HADH: variants seen among roughly 807,000 people sequenced by gnomAD.
HADH encodes the protein hydroxyacyl-CoA dehydrogenase, also known as hydroxyacyl-coenzyme A dehydrogenase, mitochondrial.
Under a neutral mutation model 32.2 loss-of-function variants are expected in HADH, and 24 were observed. The ratio of observed to expected loss-of-function variants is 0.75; its 90% CI spans 0.54 to 1.05. HADH has a LOEUF of 1.05. Ranked by LOEUF, HADH falls within the 50% of genes least tolerant of loss-of-function variation. The pLI, the probability that HADH is intolerant of heterozygous loss-of-function variation, is 0.00. For synonymous variants in HADH, 139 were observed against 152.5 expected (o/e 0.91, Z 0.65); for missense variants, 350 against 397.1 (o/e 0.88, Z 1.01).
At position 107,991,736 on chromosome 4, in the gene HADH, T is replaced by C. The variant is rs192063877; in HGVS notation, c.132+1672T>C. ...TTTGAGTACGTTTGTATTCCCAGGC[T>C]CCACCCAAATCTCCCAAGGCTGTGA... On this transcript the variant is annotated intron_variant, in intron 1 of 7. Coordinates refer to ENST00000309522, the MANE Select transcript of HADH (RefSeq NM_005327.7). 1.6e-4 allele frequency among the ~76,000 whole-genome samples: 24 copies of C among 152,324 alleles called. No individual in the cohort carries two copies. The East Asian group carries it at 3.7e-3, about 23-fold the overall frequency.
chr4:108,025,705 A>G (rs1736043637), intron 5 of HADH: 1 of 152,154 alleles, frequency 6.6e-6, no homozygotes, highest in Admixed American at 6.5e-5. Context: ...CCTAGGCAAC[A>G]TGGCAAAAAC....
intron 4 of HADH, among the ~76,000 whole-genome samples, chr4:108,021,726 A>G (rs922885200): frequency 6.6e-6 from 1 of 152,178 alleles, no homozygotes; most frequent in Non-Finnish European, 1.5e-5. Flanking sequence ...TTTGTCCCCC[A>G]GCTCAGTCTG....
intron 6 of HADH, chr4:108,029,438 T>G (rs916685471): frequency 7.2e-5 from 11 of 152,424 alleles, no homozygotes; most frequent in African/African-American, 2.7e-4. Flanking sequence ...TTTTCCTGAC[T>G]GGTCCCCGCT....
intron 1 of HADH, among the ~76,000 whole-genome samples, chr4:108,007,794 A>T (rs1735339268): frequency 6.6e-6 from 1 of 152,210 alleles, no homozygotes; most frequent in African/African-American, 2.4e-5. Context: ...TGTACCAGGC[A>T]TCAGGTTATA....
chr4:108,016,096 G>A (rs1454507278), intron 3 of HADH, among the ~76,000 whole-genome samples: 5 of 152,256 alleles, frequency 3.3e-5, no homozygotes, highest in African/African-American at 9.6e-5. Context: ...TTCTTAGCTG[G>A]CTGGCTTCCT....
rs565179676 is a variant in HADH at position 108,005,855 on chromosome 4, G to A, written c.133-3904G>A. The stretch of plus-strand genomic sequence containing the variant: ...CTTTCACGGAATTTCTTCTCTAGGA[G>A]ATTCAAGATTTTCTCCCAGCATTGT... On this transcript the variant is annotated intron_variant, in intron 1 of 7. Transcript: ENST00000309522. Among the ~76,000 whole-genome samples, 6 of 152,266 alleles carry A rather than the reference G, an allele frequency of 3.9e-5. No individual in the cohort carries two copies. In the South Asian group the frequency reaches 1.0e-3, roughly 26 times the overall value.
At chr4:108,003,822 A>C (rs894564061) in intron 1 of HADH, among the ~76,000 whole-genome samples, 4 of 151,982 alleles carry the variant, frequency 2.6e-5, no homozygotes, top group Admixed American at 6.6e-5. Flanking sequence ...AAAAAAAAAA[A>C]AAAACAAAAA....
chr4:108,019,601 A>G lies in HADH; in HGVS notation c.481A>G (p.Thr161Ala). The G allele has an allele frequency of 3.1e-6, 5 of 1,614,112 alleles. No homozygotes were observed. Among genetic ancestry groups the G allele is most frequent in the Non-Finnish European group, 4.2e-6 (5 of 1,179,934 alleles). Residue 161 changes from threonine (T) to alanine (A), a missense_variant, in exon 4 of 8, where the codon ACC becomes GCC. Coordinates refer to ENST00000309522, the MANE Select transcript of HADH (RefSeq NM_005327.7). ...LQITSIANAT[T>A]RQDRFAGLHF... is the part of the protein sequence containing the mutation. ...GATTACAAGCATAGCTAATGCCACCACCAGACAAGACCGATTCGCTGGCCT... is the reference window on the plus strand; with the variant it reads ...GATTACAAGCATAGCTAATGCCACCGCCAGACAAGACCGATTCGCTGGCCT...
At chr4:107,994,667 A>G (rs1734903911) in intron 1 of HADH, among the ~76,000 whole-genome samples, 1 of 152,088 alleles carries the variant, frequency 6.6e-6, no homozygotes, top group Non-Finnish European at 1.5e-5. Flanking sequence ...TATGGAGGGA[A>G]TATTTGTACT....
intron 1 of HADH, among the ~76,000 whole-genome samples, chr4:107,999,541 A>G (rs1425782203): frequency 1.3e-5 from 2 of 152,190 alleles, no homozygotes; most frequent in African/African-American, 4.8e-5. Flanking sequence ...AAGTAACTTG[A>G]TGCTTACACA....
chr4:107,990,037 C>A lies in HADH; in HGVS notation c.105C>A (p.Gly35=), dbSNP rs1434742133. 1 of 1,610,830 alleles carries A rather than the reference C, an allele frequency of 6.2e-7. No individual in the cohort carries two copies. The highest frequency in any genetic ancestry group is 1.1e-5 in the South Asian group (1 of 90,510). ...IIVKHVTVIG[G]GLMGAGIAQV... ...TCAAGCACGTGACGGTCATCGGCGGCGGGCTGATGGGCGCCGGCATTGCCC... is the reference window on the plus strand; with the variant it reads ...TCAAGCACGTGACGGTCATCGGCGGAGGGCTGATGGGCGCCGGCATTGCCC... The change falls in exon 1 of 8, where the codon GGC becomes GGA. Residue 35 remains glycine (G), a synonymous_variant. Coordinates refer to ENST00000309522, the MANE Select transcript of HADH (RefSeq NM_005327.7).
chr4:107,991,750 C>G (rs1372876252), intron 1 of HADH, among the ~76,000 whole-genome samples: 2 of 152,158 alleles, frequency 1.3e-5, no homozygotes, highest in Non-Finnish European at 2.9e-5. Context: ...CCCAAATCTC[C>G]CAAGGCTGTG....
chr4:107,992,840 C>T (rs933496007), intron 1 of HADH, among the ~76,000 whole-genome samples: 2 of 152,172 alleles, frequency 1.3e-5, no homozygotes, highest in African/African-American at 2.4e-5. Context: ...TTCGGCCCGG[C>T]ATGGTGGCTC....
chr4:107,991,084 T>C (rs1025931351), intron 1 of HADH, among the ~76,000 whole-genome samples: 1 of 152,118 alleles, frequency 6.6e-6, no homozygotes, highest in Admixed American at 6.5e-5. Flanking sequence ...GGCTTTTCCA[T>C]TGTTCTGCTG....
intron 6 of HADH, chr4:108,028,903 C>T (rs1453815777): frequency 7.5e-6 from 3 of 398,472 alleles, no homozygotes; most frequent in Admixed American, 4.4e-5. Context: ...TCTGTGGTCC[C>T]TTTCTGCATA....
At chr4:108,011,099 G>T (rs895748498) in intron 2 of HADH, among the ~76,000 whole-genome samples, 1 of 151,888 alleles carries the variant, frequency 6.6e-6, no homozygotes, top group South Asian at 2.1e-4. Context: ...CACCCACCTC[G>T]GTCTCCCAAA....
chr4:108,023,687 C>T, intron 5 of HADH, 124 bp downstream of exon 5: 2 of 740,010 alleles, frequency 2.7e-6, no homozygotes, highest in South Asian at 2.9e-5. Flanking sequence ...CAAGCTTGTC[C>T]ACATGCTGTA....
chr4:108,010,782 A>G (rs1352958277), intron 2 of HADH, among the ~76,000 whole-genome samples: 1 of 151,960 alleles, frequency 6.6e-6, no homozygotes, highest in African/African-American at 2.4e-5. Flanking sequence ...TCCTGTGTCT[A>G]GCTTATTTCA....
chr4:108,004,969 T>A, intron 1 of HADH: 1 of 1,345,450 alleles, frequency 7.4e-7, no homozygotes. Context: ...CTAAAAGGAA[T>A]GTTAAACGAA....
Sources: allele counts gnomAD v4.1 joint callset (sites outside exome capture counted in the v4.1 genomes callset), GRCh38; gene constraint gnomAD v4.1.1; transcripts MANE v1.5; gene names NCBI Gene and HGNC (gene_info 2026-07-23, HGNC 2026-07-21).